Variants in KLHL4 observed in about 807,000 individuals in gnomAD.
KLHL4 encodes the protein kelch-like protein 4.
Under a neutral mutation model 45.8 loss-of-function variants are expected in KLHL4, and 17 were observed. The ratio of observed to expected loss-of-function variants is 0.37; its 90% CI spans 0.25 to 0.56. The LOEUF is 0.56. KLHL4 is among the 20% of genes least tolerant of loss of function. The pLI, the probability that KLHL4 is intolerant of heterozygous loss-of-function variation, is 0.79. For missense variants in KLHL4, 544 were observed against 544.9 expected (o/e 1.00, Z 0.02); for synonymous variants, 224 against 189.9 (o/e 1.18, Z -1.47).
chrX:87,566,379 CCAT>C (rs754490667), intron 1 of KLHL4, among the ~76,000 whole-genome samples: 4 of 111,008 alleles, frequency 3.6e-5, no homozygotes, highest in Non-Finnish European at 7.6e-5. Flanking sequence ...CATGAAAAGT[CCAT>C]CATAAGTTGA....
intron 1 of KLHL4, among the ~76,000 whole-genome samples, chrX:87,527,359 T>G (rs1306041436): frequency 9.0e-6 from 1 of 111,655 alleles, no homozygotes; most frequent in Non-Finnish European, 1.9e-5. Flanking sequence ...CCACTTATAC[T>G]CTTTGTCCCT....
At chrX:87,524,865 A>G (rs1304588929) in intron 1 of KLHL4, among the ~76,000 whole-genome samples, 1 of 111,395 alleles carries the variant, frequency 9.0e-6, no homozygotes, top group Non-Finnish European at 1.9e-5. Flanking sequence ...GCTTTTCTTT[A>G]AAAAAAATGC....
chrX:87,668,650 C>A lies in KLHL4; in HGVS notation c.*2116C>A. On this transcript the variant is annotated 3_prime_UTR_variant, in exon 11 of 11. Coordinates refer to ENST00000373119, the MANE Select transcript of KLHL4 (RefSeq NM_019117.5). ...GCCCTCCTGAATGGATTAATCCATT[C>A]ATGGATTAATGGATTATTATGAGTG... 2.0e-5 allele frequency: 3 copies of A among 153,723 alleles called. No homozygotes were observed. Among genetic ancestry groups the A allele is most frequent in the African/African-American group, 3.2e-5 (1 of 31,739 alleles). The allele number at this position is 153,723 out of a possible 1,213,427, so 12.7% of individuals were successfully genotyped here.
chrX:87,571,503 A>G (rs1932333712), intron 1 of KLHL4, among the ~76,000 whole-genome samples: 1 of 111,304 alleles, frequency 9.0e-6, no homozygotes, highest in African/African-American at 3.2e-5. Context: ...AAATAATTTA[A>G]CTGTATAAAG....
intron 1 of KLHL4, among the ~76,000 whole-genome samples, chrX:87,526,256 C>T (rs1218664486): frequency 8.9e-6 from 1 of 112,106 alleles, no homozygotes; most frequent in Non-Finnish European, 1.9e-5. Context: ...TATGTTGCAA[C>T]GTGCCAAAAT....
At chrX:87,546,878 C>T (rs1030850558) in intron 1 of KLHL4, among the ~76,000 whole-genome samples, 18 of 112,805 alleles carry the variant, frequency 1.6e-4, no homozygotes, top group Non-Finnish European at 2.4e-4. Context: ...TGCCTGGGGC[C>T]TGTAGCCCCT....
In KLHL4 at chrX:87,633,739, A is replaced by T. The variant is rs1602454975; in HGVS notation, c.1550-10A>T. On this transcript the variant is annotated splice_polypyrimidine_tract_variant and intron_variant, in intron 7 of 10. Transcript: ENST00000373119. ...CTAGGTGAACCCACATATTATTTTA[A>T]TTTTTTTAGGTGTAGCCACTCTTGA... 1 of 1,167,960 alleles carries T rather than the reference A, an allele frequency of 8.6e-7. No individual in the cohort carries two copies. The highest frequency in any genetic ancestry group is 1.1e-6 in the Non-Finnish European group (1 of 872,809).
intron 1 of KLHL4, among the ~76,000 whole-genome samples, chrX:87,531,323 A>G (rs1931270665): frequency 9.0e-6 from 1 of 110,687 alleles, no homozygotes; most frequent in Non-Finnish European, 1.9e-5. Context: ...TTGGTGTTTT[A>G]GACATGAAGT....
intron 1 of KLHL4, among the ~76,000 whole-genome samples, chrX:87,545,941 G>A (rs750154660): frequency 3.6e-5 from 4 of 111,857 alleles, no homozygotes; most frequent in Non-Finnish European, 5.6e-5. Context: ...CTAGAGATCT[G>A]TGGAACTTTG....
At chrX:87,527,826 A>C (rs868203664) in intron 1 of KLHL4, among the ~76,000 whole-genome samples, 1 of 93,740 alleles carries the variant, frequency 1.1e-5, no homozygotes, top group African/African-American at 4.0e-5. Context: ...AAAAAAAAAA[A>C]AAACAATTGT....
intron 1 of KLHL4, among the ~76,000 whole-genome samples, chrX:87,539,550 G>T (rs1348909074): frequency 9.1e-6 from 1 of 109,637 alleles, no homozygotes; most frequent in Non-Finnish European, 1.9e-5. Flanking sequence ...TTTATAACTT[G>T]CTATTTCTCT....
intron 1 of KLHL4, among the ~76,000 whole-genome samples, chrX:87,519,563 ATAAACT>A (rs1280178137): frequency 1.8e-5 from 2 of 112,519 alleles, no homozygotes; most frequent in African/African-American, 6.4e-5. Flanking sequence ...TGTCTGTCAT[ATAAACT>A]TCTCAGGAAA....
chrX:87,647,007 G>A (rs1039431462), intron 9 of KLHL4, among the ~76,000 whole-genome samples: 1 of 111,246 alleles, frequency 9.0e-6, no homozygotes, highest in African/African-American at 3.3e-5. Context: ...ACAAAGGACA[G>A]AATCCACAAG....
intron 9 of KLHL4, among the ~76,000 whole-genome samples, chrX:87,644,548 A>G (rs1923568421): frequency 9.0e-6 from 1 of 111,403 alleles, no homozygotes; most frequent in Admixed American, 9.5e-5. Context: ...AGAATTAGAA[A>G]AAACAATTCT....
At chrX:87,556,601 C>G (rs938462212) in intron 1 of KLHL4, among the ~76,000 whole-genome samples, 1 of 110,136 alleles carries the variant, frequency 9.1e-6, no homozygotes, top group Admixed American at 9.8e-5. Context: ...GTGCAGCACA[C>G]CAGCATGGCA....
intron 1 of KLHL4, among the ~76,000 whole-genome samples, chrX:87,603,228 CAT>C (rs999719209): frequency 8.9e-6 from 1 of 111,846 alleles, no homozygotes; most frequent in Non-Finnish European, 1.9e-5. Context: ...AAAGATATGA[CAT>C]ATCAGTTATT....
chrX:87,565,808 T>C (rs1932199096), intron 1 of KLHL4, among the ~76,000 whole-genome samples: 1 of 109,059 alleles, frequency 9.2e-6, no homozygotes, highest in African/African-American at 3.3e-5. Context: ...ATTTTAGGTA[T>C]CCTAGATGAG....
intron 1 of KLHL4, among the ~76,000 whole-genome samples, chrX:87,518,989 A>T (rs770311803): frequency 8.9e-6 from 1 of 111,930 alleles, no homozygotes; most frequent in South Asian, 3.7e-4. Flanking sequence ...ATAAACAGTG[A>T]CGATATAGTG....
intron 1 of KLHL4, among the ~76,000 whole-genome samples, chrX:87,552,681 G>A (rs1412847497): frequency 2.6e-5 from 2 of 76,701 alleles, no homozygotes; most frequent in African/African-American, 1.2e-4. Flanking sequence ...AGTGGATAAA[G>A]AAACTGTTAA....
Sources: gnomAD v4.1 joint callset for allele counts (sites outside exome capture counted in the v4.1 genomes callset) on GRCh38, gnomAD v4.1.1 for gene constraint, MANE v1.5 for transcripts, NCBI Gene and HGNC (gene_info 2026-07-23, HGNC 2026-07-21) for gene names.